The following PIAS1 variants were observed in gnomAD, a reference collection of about 807,000 sequenced individuals.
PIAS1 encodes protein inhibitor of activated STAT 1, also known as E3 SUMO-protein ligase PIAS1.
Under a neutral mutation model 71.3 loss-of-function variants are expected in PIAS1, and 6 were observed. The observed-to-expected ratio is 0.08, with a 90% CI of 0.05 to 0.17. The LOEUF is 0.17. Among genes scored for constraint, PIAS1 ranks in the 10% least tolerant of loss-of-function variants. PIAS1 has a pLI of 1.00. For missense variants in PIAS1, 555 were observed against 793.6 expected, an observed-to-expected ratio of 0.70 and a Z score of 3.61; for synonymous variants, 303 against 292.9, an observed-to-expected ratio of 1.03 and a Z score of -0.35.
At chr15:68,099,442 C>A (rs910535025) in intron 2 of PIAS1, among the ~76,000 whole-genome samples, 4 of 151,700 alleles carry the variant, frequency 2.6e-5, no homozygotes. Context: ...CATTAGCCAT[C>A]AGTTCTTTTT....
intron 2 of PIAS1, among the ~76,000 whole-genome samples, chr15:68,101,929 C>G (rs1164096772): frequency 3.9e-5 from 6 of 152,034 alleles, no homozygotes; most frequent in Non-Finnish European, 7.4e-5. Context: ...TTATTTTTTA[C>G]TTTTTGTAGA....
At chr15:68,149,381 T>A (rs2092830907) in intron 6 of PIAS1, among the ~76,000 whole-genome samples, 1 of 151,880 alleles carries the variant, frequency 6.6e-6, no homozygotes, top group African/African-American at 2.4e-5. Flanking sequence ...AGAATTACTT[T>A]ATCATATTTC....
intron 2 of PIAS1, among the ~76,000 whole-genome samples, chr15:68,124,488 G>A (rs770388606): frequency 1.3e-4 from 19 of 151,470 alleles, no homozygotes; most frequent in Non-Finnish European, 2.4e-4. Flanking sequence ...TTGGGAGGCC[G>A]AGGCTGGCGG....
At chr15:68,141,652 C>T (rs1316983069) in intron 2 of PIAS1, among the ~76,000 whole-genome samples, 4 of 152,058 alleles carry the variant, frequency 2.6e-5, no homozygotes, top group South Asian at 4.1e-4. Flanking sequence ...CAAGTGTGCT[C>T]TTTAGATGCA....
intron 2 of PIAS1, among the ~76,000 whole-genome samples, chr15:68,116,586 T>C (rs955961580): frequency 6.6e-6 from 1 of 152,116 alleles, no homozygotes; most frequent in Admixed American, 6.5e-5. Flanking sequence ...TATTTTCTGC[T>C]CTGATCTTTA....
intron 2 of PIAS1, among the ~76,000 whole-genome samples, chr15:68,112,082 T>G (rs1418165231): frequency 6.6e-6 from 1 of 152,188 alleles, no homozygotes; most frequent in African/African-American, 2.4e-5. Flanking sequence ...TTATAAAGGC[T>G]TCCACCAATA....
At chr15:68,155,730 T>G (rs1254545562) in intron 7 of PIAS1, among the ~76,000 whole-genome samples, 1 of 152,224 alleles carries the variant, frequency 6.6e-6, no homozygotes, top group Non-Finnish European at 1.5e-5. Flanking sequence ...TAGTAGGATT[T>G]TGTCTTGCAG....
chr15:68,128,488 C>A (rs2092667899), intron 2 of PIAS1, among the ~76,000 whole-genome samples: 1 of 152,152 alleles, frequency 6.6e-6, no homozygotes, highest in Non-Finnish European at 1.5e-5. Context: ...CTGGATCTCA[C>A]AATTAGTGGG....
intron 6 of PIAS1, among the ~76,000 whole-genome samples, 192 bp from the exon 7 acceptor site, chr15:68,153,398 G>C (rs2092862964): frequency 6.6e-6 from 1 of 152,190 alleles, no homozygotes; most frequent in South Asian, 2.1e-4. Context: ...CATAAAAACA[G>C]GTTTATGATC....
intron 2 of PIAS1, among the ~76,000 whole-genome samples, chr15:68,113,538 G>C (rs1019044492): frequency 6.6e-6 from 1 of 152,120 alleles, no homozygotes; most frequent in Non-Finnish European, 1.5e-5. Context: ...TGAGAGAATA[G>C]ATGAGCCAGA....
chr15:68,169,017 C>T (rs2092973964), intron 8 of PIAS1, among the ~76,000 whole-genome samples: 1 of 152,294 alleles, frequency 6.6e-6, no homozygotes, highest in South Asian at 2.1e-4. Context: ...GATTCTGAAA[C>T]AATCTTTATT....
At chr15:68,140,751 A>G (rs562613320) in intron 2 of PIAS1, among the ~76,000 whole-genome samples, 1 of 152,192 alleles carries the variant, frequency 6.6e-6, no homozygotes, top group Non-Finnish European at 1.5e-5. Flanking sequence ...GATCAAACTC[A>G]GTTTAAGCAA....
In PIAS1 at chr15:68,129,653, A is replaced by T. The variant is rs1478823216; in HGVS notation, c.470-12293A>T. ...TAGTATATTAAAGATAAAGGTAAAAATTATTTTTAAATTGTGTTTATATAG... is the reference window on the plus strand; with the variant it reads ...TAGTATATTAAAGATAAAGGTAAAATTTATTTTTAAATTGTGTTTATATAG... On this transcript the variant is annotated intron_variant, in intron 2 of 13. Transcript: ENST00000249636. 3.3e-5 allele frequency among the ~76,000 whole-genome samples: 5 copies of T among 152,254 alleles called. No homozygotes were observed. In the East Asian group the frequency reaches 7.7e-4, roughly 23 times the overall value.
intron 10 of PIAS1, among the ~76,000 whole-genome samples, chr15:68,176,246 A>T (rs191936140): frequency 6.6e-6 from 1 of 152,286 alleles, no homozygotes; most frequent in African/African-American, 2.4e-5. Context: ...GACATATGAC[A>T]CATTTTGATT....
intron 2 of PIAS1, among the ~76,000 whole-genome samples, chr15:68,118,320 CAA>C (rs35273377): frequency 0.067 from 9,594 of 143,110 alleles, 348 homozygotes; most frequent in South Asian, 0.11. Flanking sequence ...GTGTCTGTCT[CAA>C]AAAAAAAAAA....
At chr15:68,184,810 T>C (rs765883999) in intron 13 of PIAS1, 2 of 153,366 alleles carry the variant, frequency 1.3e-5, no homozygotes, top group African/African-American at 2.4e-5. Context: ...AAGGACAAGA[T>C]AACAGTCTTG....
chr15:68,160,976 A>C (rs1051271271), intron 7 of PIAS1, among the ~76,000 whole-genome samples: 12 of 152,216 alleles, frequency 7.9e-5, no homozygotes, highest in Non-Finnish European at 1.8e-4. Flanking sequence ...TTTAAAAAAG[A>C]AACCAACACA....
intron 2 of PIAS1, among the ~76,000 whole-genome samples, chr15:68,095,384 G>T (rs916313004): frequency 1.3e-5 from 2 of 151,990 alleles, no homozygotes; most frequent in Non-Finnish European, 2.9e-5. Context: ...TGGTAATCAT[G>T]GGGCATGTGG....
chr15:68,153,802 T>C lies in PIAS1; in HGVS notation c.934+107T>C. 3 of 645,002 alleles carry C rather than the reference T, an allele frequency of 4.7e-6. No individual in the cohort carries two copies. The South Asian group carries it at 5.5e-5, about 12-fold the overall frequency. 40.0% of individuals were successfully genotyped at this position (645,002 alleles called of 1,614,324 possible). A position where few individuals can be genotyped will look rare whatever the true frequency, so the allele number is the denominator to read the frequency against. On this transcript the variant is annotated intron_variant, in intron 7 of 13. Coordinates refer to ENST00000249636, the MANE Select transcript of PIAS1 (RefSeq NM_016166.3). ...GAATTTGTTTATTCACTGGAGCCTG[T>C]TGTGTAGTTCTTAGAGTAGTTCTGA...
Sources: allele counts gnomAD v4.1 joint callset (sites outside exome capture counted in the v4.1 genomes callset), GRCh38; gene constraint gnomAD v4.1.1; transcripts MANE v1.5; gene names NCBI Gene and HGNC (gene_info 2026-07-23, HGNC 2026-07-21).